MLC1: variants seen among roughly 807,000 people sequenced by gnomAD.
MLC1 encodes the protein modulator of VRAC current 1, also known as membrane protein MLC1.
Under a neutral mutation model 44.7 loss-of-function variants are expected in MLC1, and 32 were observed. That is an observed-to-expected ratio of 0.72 (90% CI 0.54 to 0.96). The LOEUF is 0.96. MLC1 is among the 40% of genes least tolerant of loss of function. The probability of loss-of-function intolerance (pLI) is 0.00; values close to 1 mark genes in which losing one functional copy is unlikely to be tolerated. For synonymous variants in MLC1, 190 were observed against 213.0 expected (o/e 0.89, Z 0.94); for missense variants, 459 against 492.2 (o/e 0.93, Z 0.64).
chr22:50,064,489 GCTCCACCC>G (rs2061661620), intron 10 of MLC1, among the ~76,000 whole-genome samples: 1 of 152,192 alleles, frequency 6.6e-6, no homozygotes, highest in African/African-American at 2.4e-5. Flanking sequence ...TGGTCAAGTC[GCTCCACCC>G]CTCCTGCTCC....
In MLC1 at chr22:50,079,899, G is replaced by A. The variant is rs375594671; in HGVS notation, c.423+19C>T. On this transcript the variant is annotated intron_variant, in intron 5 of 11. Coordinates refer to ENST00000311597, the MANE Select transcript of MLC1 (RefSeq NM_015166.4). ...GGCTGTGGGTGTCAGGCGTCTGCGC[G>A]AAGCTCGTGTGAACTCACGTTTATT... The A allele has an allele frequency of 9.9e-5, 156 of 1,576,538 alleles. 1 individual carries two copies. Among genetic ancestry groups the A allele is most frequent in the Admixed American group, 5.2e-4 (31 of 59,934 alleles).
chr22:50,078,401 A>G (rs1202650722), intron 5 of MLC1, among the ~76,000 whole-genome samples: 1 of 152,238 alleles, frequency 6.6e-6, no homozygotes, highest in Admixed American at 6.5e-5. Flanking sequence ...AGATGTAGAT[A>G]TATCAGTAGA....
At chr22:50,064,315 C>T in intron 10 of MLC1, 117 bp from the exon 11 acceptor site, 1 of 1,220,892 alleles carries the variant, frequency 8.2e-7, no homozygotes, top group Non-Finnish European at 1.2e-6. Context: ...CGAGTCGGAG[C>T]CCCAGTAACC....
At chr22:50,080,220 T>G in intron 4 of MLC1, 124 bp downstream of exon 4, 1 of 1,321,640 alleles carries the variant, frequency 7.6e-7, no homozygotes, top group Non-Finnish European at 1.1e-6. Context: ...GGGGGCAACC[T>G]CGGGGGCCCC....
chr22:50,076,464 A>G (rs2061982810), intron 7 of MLC1, among the ~76,000 whole-genome samples: 2 of 152,098 alleles, frequency 1.3e-5, no homozygotes, highest in Admixed American at 1.3e-4. Flanking sequence ...CTGAGGCAGG[A>G]GAATTACTTG....
rs772541034 is a variant in MLC1 at position 50,079,889 on chromosome 22, G to T, written c.423+29C>A. The T allele has an allele frequency of 8.0e-6, 12 of 1,498,434 alleles. No individual in the cohort carries two copies. The African/African-American group carries it at 1.7e-4, about 21-fold the overall frequency. 92.8% of individuals were successfully genotyped at this position (1,498,434 alleles called of 1,614,324 possible). A position where few individuals can be genotyped will look rare whatever the true frequency, so the allele number is the denominator to read the frequency against. ...GTGGGAGTGGGGCTGTGGGTGTCAGGCGTCTGCGCGAAGCTCGTGTGAACT... is the reference window on the plus strand; with the variant it reads ...GTGGGAGTGGGGCTGTGGGTGTCAGTCGTCTGCGCGAAGCTCGTGTGAACT... On this transcript the variant is annotated intron_variant, in intron 5 of 11. Transcript: ENST00000311597.
intron 11 of MLC1, among the ~76,000 whole-genome samples, chr22:50,062,915 G>A (rs944254222): frequency 6.6e-6 from 1 of 152,224 alleles, no homozygotes; most frequent in Non-Finnish European, 1.5e-5. Flanking sequence ...AGTAGGCAGG[G>A]CCCGGGGGAA....
chr22:50,084,602 C>T, intron 2 of MLC1, 124 bp downstream of exon 2: 1 of 1,063,764 alleles, frequency 9.4e-7, no homozygotes, highest in Non-Finnish European at 1.5e-6. Context: ...AAGAGTTCTG[C>T]AGCAGCAGGG....
At chr22:50,065,798 C>T (rs918157158) in intron 10 of MLC1, among the ~76,000 whole-genome samples, 16 of 152,236 alleles carry the variant, frequency 1.1e-4, no homozygotes, top group Non-Finnish European at 2.4e-4. Context: ...CTGCACCTAC[C>T]CTCTACCCAG....
intron 9 of MLC1, among the ~76,000 whole-genome samples, 172 bp downstream of exon 9, chr22:50,070,355 G>A (rs964844353): frequency 6.6e-6 from 1 of 152,142 alleles, no homozygotes; most frequent in South Asian, 2.1e-4. Flanking sequence ...CCTGCTGAGC[G>A]GGCCAGCCTC....
rs552341939 is a variant in MLC1 at position 50,068,496 on chromosome 22, T to C, written c.831A>G (p.Gly277=). 9.3e-6 allele frequency: 15 copies of C among 1,613,870 alleles called. No individual in the cohort carries two copies. In the African/African-American group the frequency reaches 1.2e-4, roughly 13 times the overall value. ...TTCTCATGATGCTGAATGACAGATA[T>C]CCAGAGGCTGTGAACAGCAGCGGAG... ...LTSPLLFTAS[G]YLSFSIMRIV... The change falls in exon 10 of 12, where the codon GGA becomes GGG. Residue 277 remains glycine, a synonymous_variant. Coordinates refer to ENST00000311597, the MANE Select transcript of MLC1 (RefSeq NM_015166.4).
chr22:50,081,017 G>GAAAGAAAGAAAGAAAGAA (rs1555968018), intron 3 of MLC1, among the ~76,000 whole-genome samples: 114 of 139,122 alleles, frequency 8.2e-4, no homozygotes, highest in Middle Eastern at 3.4e-3. Context: ...AAAAAAGAAA[G>GAAAGAAAGAAAGAAAGAA]AAAGAAAGAA....
chr22:50,084,171 G>T (rs535545348), intron 2 of MLC1, among the ~76,000 whole-genome samples: 1 of 152,300 alleles, frequency 6.6e-6, no homozygotes, highest in African/African-American at 2.4e-5. Context: ...GGCCCAAGTG[G>T]CTCCTCCAAT....
intron 4 of MLC1, 33 bp downstream of exon 4, chr22:50,080,311 C>G (rs561906526): frequency 1.8e-5 from 29 of 1,593,728 alleles, no homozygotes; most frequent in Non-Finnish European, 2.1e-5. Flanking sequence ...CCGGCTTTCT[C>G]CCTGGCAGAG....
chr22:50,066,929 G>T (rs537235884), intron 10 of MLC1, among the ~76,000 whole-genome samples: 1 of 152,058 alleles, frequency 6.6e-6, no homozygotes, highest in African/African-American at 2.4e-5. Context: ...ATGGGGTATC[G>T]AACCCAGAGG....
chr22:50,065,558 G>C (rs1428007898), intron 10 of MLC1, among the ~76,000 whole-genome samples: 2 of 152,228 alleles, frequency 1.3e-5, no homozygotes, highest in Non-Finnish European at 2.9e-5. Context: ...AAAATGGTCA[G>C]GAGACATGAG....
Position 50,059,601 on chromosome 22 carries a change from G to GC in MLC1, c.*1981dup, listed in dbSNP as rs145385166. On this transcript the variant is annotated 3_prime_UTR_variant, in exon 12 of 12. Coordinates refer to ENST00000311597, the MANE Select transcript of MLC1 (RefSeq NM_015166.4). ...TCTGCCCCCAAGAAGACATCAGCCCGCCCCGGGTCGTCCCTGTGGCTCCCA... is the reference window on the plus strand; with the variant it reads ...TCTGCCCCCAAGAAGACATCAGCCCGCCCCCGGGTCGTCCCTGTGGCTCCCA... 18,801 of 152,308 alleles carry GC rather than the reference G, an allele frequency of 0.12. 1,322 individuals are homozygous for GC. Among genetic ancestry groups the GC allele is most frequent in the South Asian group, 0.23 (1,088 of 4,806 alleles). 9.4% of individuals were successfully genotyped at this position (152,308 alleles called of 1,614,324 possible).
chr22:50,074,359 C>T lies in MLC1; in HGVS notation c.598-27G>A, dbSNP rs762669465. Reference sequence around the variant, plus strand: ...TGGAGGGGACAGGACAGCATCGGCTCATAAGGAAGTGGAGACACCCCCAGA... The same window carrying T: ...TGGAGGGGACAGGACAGCATCGGCTTATAAGGAAGTGGAGACACCCCCAGA... On this transcript the variant is annotated intron_variant, in intron 7 of 11. Transcript: ENST00000311597. 16 of 1,582,172 alleles carry T rather than the reference C, an allele frequency of 1.0e-5. No homozygotes were observed. The South Asian group carries it at 1.1e-4, about 11-fold the overall frequency.
rs753385977 is a variant in MLC1, at chr22:50,064,111, G to A, written c.982C>T (p.Arg328Cys). Reference protein sequence around the residue: ...LNTGTAIQCVRFKVSARLQGA... With the variant: ...LNTGTAIQCVCFKVSARLQGA... Reference sequence around the variant, plus strand: ...TGCAGCCTTGCACTGACCTTGAAGCGCACGCACTGGATGGCGGTGCCCGTG... The same window carrying A: ...TGCAGCCTTGCACTGACCTTGAAGCACACGCACTGGATGGCGGTGCCCGTG... The change falls in exon 11 of 12, where the codon CGC (arginine) becomes TGC (cysteine). Residue 328 changes from arginine to cysteine, a missense_variant. Coordinates refer to ENST00000311597, the MANE Select transcript of MLC1 (RefSeq NM_015166.4). 10 of 1,608,614 alleles carry A rather than the reference G, an allele frequency of 6.2e-6. No homozygotes were observed. The highest frequency in any genetic ancestry group is 1.7e-4 in the Middle Eastern group (1 of 6,018).
Sources: gnomAD v4.1 joint callset for allele counts (sites outside exome capture counted in the v4.1 genomes callset) on GRCh38, gnomAD v4.1.1 for gene constraint, MANE v1.5 for transcripts, NCBI Gene and HGNC (gene_info 2026-07-23, HGNC 2026-07-21) for gene names.